The following IMPG2 variants were observed in gnomAD, a reference collection of about 807,000 sequenced individuals.
IMPG2 encodes the protein interphotoreceptor matrix proteoglycan 2.
A neutral mutation model predicts 129.2 loss-of-function variants in IMPG2; 91 were observed. The observed-to-expected ratio is 0.70, with a 90% CI of 0.59 to 0.84. The LOEUF (loss-of-function observed/expected upper bound fraction) is 0.84, where lower values mean the gene tolerates loss of function less well. Ranked by LOEUF, IMPG2 falls within the 40% of genes least tolerant of loss-of-function variation. The probability of loss-of-function intolerance (pLI) is 0.00; values close to 1 mark genes in which losing one functional copy is unlikely to be tolerated. For synonymous variants in IMPG2, 510 were observed against 517.7 expected, an observed-to-expected ratio of 0.99 and a Z score of 0.20; for missense variants, 1,430 against 1,461.7, an observed-to-expected ratio of 0.98 and a Z score of 0.35.
intron 2 of IMPG2, among the ~76,000 whole-genome samples, chr3:101,318,165 AAT>A (rs2058794741): frequency 1.4e-5 from 2 of 144,252 alleles, no homozygotes; most frequent in South Asian, 4.2e-4. Flanking sequence ...TAATAATAAT[AAT>A]AATAATAATA....
chr3:101,273,623 G>A lies in IMPG2; in HGVS notation c.786C>T (p.Ser262=), dbSNP rs376771835. 4 of 1,614,060 alleles carry A rather than the reference G, an allele frequency of 2.5e-6. No individual in the cohort carries two copies. Among genetic ancestry groups the A allele is most frequent in the Non-Finnish European group, 3.4e-6 (4 of 1,179,990 alleles). Residue 262 remains serine, a synonymous_variant, in exon 7 of 19, where the codon TCC becomes TCT. Transcript: ENST00000193391. ...KQYREELQDS[S]SFHHQHLEEE... The stretch of plus-strand genomic sequence containing the variant: ...CTTCAAGGTGCTGGTGGTGAAAGCT[G>A]GAGGAATCCTGTAGTTCTTCCCTGT...
intron 8 of IMPG2, among the ~76,000 whole-genome samples, 195 bp from the exon 9 acceptor site, chr3:101,267,726 G>A (rs1706735454): frequency 6.6e-6 from 1 of 151,940 alleles, no homozygotes; most frequent in Non-Finnish European, 1.5e-5. Flanking sequence ...TTAAAACCAT[G>A]GTCTTTATTT....
In IMPG2 at chr3:101,243,922, C is replaced by A. The variant is rs1245905377; in HGVS notation, c.2409G>T (p.Gln803His). The A allele has an allele frequency of 6.2e-7, 1 of 1,614,204 alleles. No individual in the cohort carries two copies. Among genetic ancestry groups the A allele is most frequent in the Non-Finnish European group, 8.5e-7 (1 of 1,180,034 alleles). Reference protein sequence around the residue: ...LSRDILASTPQSADRLWLSVT... With the variant: ...LSRDILASTPHSADRLWLSVT... Reference sequence around the variant, plus strand: ...CAGATAACCAGAGCCTGTCAGCACTCTGTGGTGTACTTGCCAATATGTCTC... The same window carrying A: ...CAGATAACCAGAGCCTGTCAGCACTATGTGGTGTACTTGCCAATATGTCTC... Residue 803 changes from glutamine to histidine, a missense_variant, in exon 13 of 19, where the codon CAG becomes CAT. Gln to His is a conservative substitution (Grantham distance 24). Coordinates refer to ENST00000193391, the MANE Select transcript of IMPG2 (RefSeq NM_016247.4).
rs1265939563 is a variant in IMPG2 at position 101,304,298 on chromosome 3, C to G, written c.349G>C (p.Val117Leu). Reference protein sequence around the residue: ...YFKVRVCQEAVWEAFRTFWDR... With the variant: ...YFKVRVCQEALWEAFRTFWDR... Reference sequence around the variant, plus strand: ...CAAAAAGTCCTGAAGGCTTCCCAGACAGCTTCCTGACACACTAGAAAATAG... The same window carrying G: ...CAAAAAGTCCTGAAGGCTTCCCAGAGAGCTTCCTGACACACTAGAAAATAG... The change falls in exon 3 of 19, where the codon GTC (valine) becomes CTC (leucine). Residue 117 changes from valine (V) to leucine (L), a missense_variant. Val to Leu is a conservative substitution (Grantham distance 32). Transcript: ENST00000193391. The G allele has an allele frequency of 2.5e-6, 4 of 1,613,840 alleles. No homozygotes were observed. Among genetic ancestry groups the G allele is most frequent in the Admixed American group, 3.3e-5 (2 of 60,016 alleles).
At chr3:101,230,933 T>G in intron 16 of IMPG2, 24 bp downstream of exon 16, 1 of 1,593,952 alleles carries the variant, frequency 6.3e-7, no homozygotes, top group Non-Finnish European at 8.6e-7. Flanking sequence ...TGTATTCCAT[T>G]AGAGAGCTCT....
intron 16 of IMPG2, among the ~76,000 whole-genome samples, 174 bp downstream of exon 16, chr3:101,230,783 T>G (rs1183631640): frequency 3.3e-5 from 5 of 152,202 alleles, no homozygotes; most frequent in African/African-American, 9.7e-5. Flanking sequence ...TAGTGCTACT[T>G]CTGTTTTTCT....
Position 101,242,776 on chromosome 3 carries a change from C to G in IMPG2, c.2934G>C (p.Ala978=). 1 of 1,613,918 alleles carries G rather than the reference C, an allele frequency of 6.2e-7. No homozygotes were observed. Among genetic ancestry groups the G allele is most frequent in the Non-Finnish European group, 8.5e-7 (1 of 1,179,880 alleles). ...ANSVPPNVNN[A]VYMILEDFCT... The stretch of plus-strand genomic sequence containing the variant: ...AAAAGTCTTCCAGAATCATGTACAC[C>G]GCATTGTTGACGTTAGGAGGGACAG... The change falls in exon 14 of 19, where the codon GCG becomes GCC. Residue 978 remains alanine (A), a synonymous_variant. Transcript: ENST00000193391.
At chr3:101,260,767 A>C (rs1365626517) in intron 9 of IMPG2, among the ~76,000 whole-genome samples, 2 of 152,178 alleles carry the variant, frequency 1.3e-5, no homozygotes, top group African/African-American at 2.4e-5. Flanking sequence ...TCTTTTTAAC[A>C]TGAAGACGTG....
rs777197376 is a variant in IMPG2 at position 101,304,296 on chromosome 3, G to A, written c.351C>T (p.Val117=). Residue 117 remains valine (V), a synonymous_variant, in exon 3 of 19, where the codon GTC becomes GTT. Transcript: ENST00000193391. ...YFKVRVCQEA[V]WEAFRTFWDR... is the part of the protein sequence containing the mutation. The stretch of plus-strand genomic sequence containing the variant: ...CCCAAAAAGTCCTGAAGGCTTCCCA[G>A]ACAGCTTCCTGACACACTAGAAAAT... 6.2e-7 allele frequency: 1 copy of A among 1,613,798 alleles called. No individual in the cohort carries two copies. Among genetic ancestry groups the A allele is most frequent in the Non-Finnish European group, 8.5e-7 (1 of 1,179,716 alleles).
At chr3:101,281,264 C>T (rs932538952) in intron 4 of IMPG2, among the ~76,000 whole-genome samples, 1 of 152,096 alleles carries the variant, frequency 6.6e-6, no homozygotes, top group Non-Finnish European at 1.5e-5. Context: ...AGATGTCTGG[C>T]TATAATGGAG....
At chr3:101,273,477 G>A in intron 7 of IMPG2, 104 bp downstream of exon 7, 1 of 1,241,046 alleles carries the variant, frequency 8.1e-7, no homozygotes, top group Non-Finnish European at 1.1e-6. Flanking sequence ...GAACCAAGTA[G>A]ACAAACAATT....
chr3:101,262,324 A>G (rs1706679033), intron 9 of IMPG2, among the ~76,000 whole-genome samples: 1 of 152,124 alleles, frequency 6.6e-6, no homozygotes, highest in South Asian at 2.1e-4. Context: ...GTACAGAGCA[A>G]ATAAAAAAAC....
chr3:101,249,180 A>G (rs1305880307), intron 11 of IMPG2, among the ~76,000 whole-genome samples: 1 of 152,168 alleles, frequency 6.6e-6, no homozygotes. Flanking sequence ...TAGTCTCTGC[A>G]TACCTCAACA....
chr3:101,266,621 C>T (rs1165848306), intron 9 of IMPG2, among the ~76,000 whole-genome samples: 1 of 152,100 alleles, frequency 6.6e-6, no homozygotes, highest in African/African-American at 2.4e-5. Context: ...TTGAGACAGA[C>T]CAAGCATGGA....
chr3:101,320,221 A>G lies in IMPG2; in HGVS notation c.85+67T>C. ...TTTCTTACAGCAATCACATCAAATA[A>G]TCCTATTTTTGAAGAACATATACTA... is the stretch of plus-strand genomic sequence containing the variant. On this transcript the variant is annotated intron_variant, in intron 1 of 18. Transcript: ENST00000193391. 4 of 913,876 alleles carry G rather than the reference A, an allele frequency of 4.4e-6. No homozygotes were observed. In the East Asian group the frequency reaches 7.6e-5, roughly 17 times the overall value. 56.6% of individuals were successfully genotyped at this position (913,876 alleles called of 1,614,324 possible).
intron 14 of IMPG2, 140 bp downstream of exon 14, chr3:101,242,547 AC>A: frequency 1.4e-6 from 1 of 694,722 alleles, no homozygotes. Context: ...TTTACTAGTT[AC>A]CAAGATGTGG....
chr3:101,302,338 A>G (rs527985621), intron 3 of IMPG2, among the ~76,000 whole-genome samples: 18 of 152,292 alleles, frequency 1.2e-4, no homozygotes, highest in African/African-American at 4.3e-4. Context: ...GGCTGATCCT[A>G]TATTGCGGAC....
chr3:101,244,533 C>A lies in IMPG2; in HGVS notation c.1798G>T (p.Gly600Cys), dbSNP rs1706452895. ...SMEKELIFDG[G>C]LGSGSGQKVD... ...TTTTGCCCAGACCCTGAACCTAAAC[C>A]ACCGTCAAATATTAACTCTTTTTCC... is the stretch of plus-strand genomic sequence containing the variant. The change falls in exon 13 of 19, where the codon GGT becomes TGT. Residue 600 changes from glycine (G) to cysteine (C), a missense_variant. Coordinates refer to ENST00000193391, the MANE Select transcript of IMPG2 (RefSeq NM_016247.4). 1.9e-6 allele frequency: 3 copies of A among 1,599,152 alleles called. No individual in the cohort carries two copies. The highest frequency in any genetic ancestry group is 2.3e-5 in the South Asian group (2 of 88,874).
chr3:101,250,407 AC>A (rs1181556274), intron 11 of IMPG2, among the ~76,000 whole-genome samples: 1 of 152,178 alleles, frequency 6.6e-6, no homozygotes, highest in African/African-American at 2.4e-5. Context: ...GAAAAATCTT[AC>A]GTTGGGAAGA....
Sources: gnomAD v4.1 joint callset for allele counts (sites outside exome capture counted in the v4.1 genomes callset) on GRCh38, gnomAD v4.1.1 for gene constraint, MANE v1.5 for transcripts, NCBI Gene and HGNC (gene_info 2026-07-23, HGNC 2026-07-21) for gene names.